Variants in STXBP5L observed in about 807,000 individuals in gnomAD.
The protein encoded by STXBP5L is syntaxin-binding protein 5-like.
Under a neutral mutation model 144.5 loss-of-function variants are expected in STXBP5L, and 65 were observed. The observed-to-expected ratio is 0.45, with a 90% CI of 0.37 to 0.55. The LOEUF (loss-of-function observed/expected upper bound fraction) is 0.55. STXBP5L is among the 20% of genes least tolerant of loss of function. The pLI is 0.00. For missense variants in STXBP5L, 1,298 were observed against 1,405.5 expected (o/e 0.92, Z 1.22); for synonymous variants, 505 against 469.6 (o/e 1.08, Z -0.97).
chr3:121,410,266 T>G (rs1483486746), intron 23 of STXBP5L, among the ~76,000 whole-genome samples: 1 of 152,036 alleles, frequency 6.6e-6, no homozygotes, highest in Non-Finnish European at 1.5e-5. Flanking sequence ...AAATGGTATC[T>G]GTCTTCCTCT....
intron 20 of STXBP5L, among the ~76,000 whole-genome samples, chr3:121,322,046 T>G (rs2108538886): frequency 6.6e-6 from 1 of 152,318 alleles, no homozygotes; most frequent in Admixed American, 6.5e-5. Context: ...GTGTCTATGG[T>G]TGCCATCCTT....
intron 3 of STXBP5L, among the ~76,000 whole-genome samples, chr3:121,014,587 T>G (rs1206573102): frequency 1.3e-5 from 2 of 150,324 alleles, no homozygotes; most frequent in Non-Finnish European, 2.9e-5. Flanking sequence ...TTCTATCTTT[T>G]GGCTATTATG....
rs1400016942 is a variant in STXBP5L at position 121,272,801 on chromosome 3, C to T, written c.1959-7004C>T. Among the ~76,000 whole-genome samples the T allele has an allele frequency of 4.6e-5, 7 of 152,106 alleles. No homozygotes were observed. The South Asian group carries it at 6.2e-4, about 14-fold the overall frequency. On this transcript the variant is annotated intron_variant, in intron 18 of 26. Coordinates refer to ENST00000471454, the MANE Select transcript of STXBP5L (RefSeq NM_001308330.2). ...CTACTATGTTTCTGTTTTACAACTA[C>T]GATGAGGCTTACGTGGAACATCTTA...
At chr3:121,205,846 T>C in intron 9 of STXBP5L, 77 bp from the exon 10 acceptor site, 1 of 691,766 alleles carries the variant, frequency 1.4e-6, no homozygotes, top group South Asian at 2.4e-5. Flanking sequence ...ATCTTTAAAT[T>C]CCCTTAGTCA....
intron 15 of STXBP5L, among the ~76,000 whole-genome samples, chr3:121,252,772 T>C (rs1299262923): frequency 6.6e-6 from 1 of 152,174 alleles, no homozygotes; most frequent in East Asian, 1.9e-4. Context: ...ACTGTTTCTG[T>C]GTGTTAGGAA....
At chr3:121,199,871 T>C (rs1032906928) in intron 9 of STXBP5L, among the ~76,000 whole-genome samples, 1 of 152,184 alleles carries the variant, frequency 6.6e-6, no homozygotes, top group Non-Finnish European at 1.5e-5. Flanking sequence ...GATGTGCTGC[T>C]GGATTTGGTC....
At chr3:121,065,785 G>A (rs73189307) in intron 5 of STXBP5L, among the ~76,000 whole-genome samples, 5,412 of 152,244 alleles carry the variant, frequency 0.036, 147 homozygotes, top group Middle Eastern at 0.082. Flanking sequence ...AATTAAAATT[G>A]TGGCCAGGGC....
At position 120,954,999 on chromosome 3, in the gene STXBP5L, A is replaced by G. The variant is rs375513651; in HGVS notation, c.249A>G (p.Lys83=). 3 of 1,612,666 alleles carry G rather than the reference A, an allele frequency of 1.9e-6. No individual in the cohort carries two copies. The African/African-American group carries it at 4.0e-5, about 22-fold the overall frequency. ...CATTAGCCTTTGATCCAGTTCAGAA[A>G]ATCTTGGCTATTGGGACGAGAACAG... ...PTALAFDPVQ[K]ILAIGTRTGA... Residue 83 remains lysine, a synonymous_variant, in exon 3 of 27, where the codon AAA becomes AAG. Coordinates refer to ENST00000471454, the MANE Select transcript of STXBP5L (RefSeq NM_001308330.2).
chr3:121,087,986 G>A (rs977780176), intron 5 of STXBP5L, among the ~76,000 whole-genome samples: 3 of 151,800 alleles, frequency 2.0e-5, no homozygotes, highest in African/African-American at 4.8e-5. Context: ...AAATTTTATT[G>A]TTTTTCCCTA....
At chr3:121,005,294 C>G (rs950851365) in intron 3 of STXBP5L, among the ~76,000 whole-genome samples, 1 of 152,078 alleles carries the variant, frequency 6.6e-6, no homozygotes, top group Admixed American at 6.6e-5. Context: ...GTGTATGTGT[C>G]CAGGAATTTA....
chr3:120,933,518 T>C (rs77825219), intron 2 of STXBP5L, among the ~76,000 whole-genome samples: 18,231 of 152,104 alleles, frequency 0.12, 1,147 homozygotes, highest in Non-Finnish European at 0.14. Flanking sequence ...CTTTAACAAA[T>C]ATATATTTTG....
chr3:121,061,084 T>C lies in STXBP5L; in HGVS notation c.470+15549T>C, dbSNP rs118168725. On this transcript the variant is annotated intron_variant, in intron 5 of 26. Coordinates refer to ENST00000471454, the MANE Select transcript of STXBP5L (RefSeq NM_001308330.2). ...ATGTTAGGGTATTGATTTTAGATCTTTCCCACATTCTCCTGTGGGCATTTA... is the reference window on the plus strand; with the variant it reads ...ATGTTAGGGTATTGATTTTAGATCTCTCCCACATTCTCCTGTGGGCATTTA... Among the ~76,000 whole-genome samples, 119 of 152,328 alleles carry C rather than the reference T, an allele frequency of 7.8e-4. 1 individual carries two copies. In the East Asian group the frequency reaches 0.022, roughly 29 times the overall value.
At chr3:121,057,078 A>G (rs9815525) in intron 5 of STXBP5L, among the ~76,000 whole-genome samples, 1 of 151,738 alleles carries the variant, frequency 6.6e-6, no homozygotes, top group Non-Finnish European at 1.5e-5. Context: ...AAAGCAAGAC[A>G]GAAAACTGCA....
intron 5 of STXBP5L, among the ~76,000 whole-genome samples, chr3:121,050,901 A>T (rs1422917610): frequency 6.6e-6 from 1 of 152,232 alleles, no homozygotes; most frequent in Non-Finnish European, 1.5e-5. Flanking sequence ...TCTACCAAGC[A>T]AATGGAAAAC....
In STXBP5L at chr3:121,257,272, T is replaced by C; in HGVS notation, c.1771T>C (p.Ser591Pro). Residue 591 changes from serine (S) to proline (P), a missense_variant, in exon 17 of 27, where the codon TCT becomes CCT. By Grantham distance (74) the Ser-to-Pro change is moderately conservative (BLOSUM62 -1). Transcript: ENST00000471454. Reference protein sequence around the residue: ...SAQLPSSRSLSGSTNTVASEG... With the variant: ...SAQLPSSRSLPGSTNTVASEG... ...CCAGCTTCCTTCTTCAAGGAGTCTT[T>C]CTGGGAGCACTAACACTGTTGCTAG... is the stretch of plus-strand genomic sequence containing the variant. 4 of 1,613,838 alleles carry C rather than the reference T, an allele frequency of 2.5e-6. No individual in the cohort carries two copies. Among genetic ancestry groups the C allele is most frequent in the Non-Finnish European group, 3.4e-6 (4 of 1,179,802 alleles).
chr3:121,352,101 T>A (rs539767177), intron 20 of STXBP5L, among the ~76,000 whole-genome samples: 105 of 152,256 alleles, frequency 6.9e-4, no homozygotes, highest in African/African-American at 2.3e-3. Context: ...GTAGTATAGT[T>A]TGAAGTCAGG....
intron 3 of STXBP5L, among the ~76,000 whole-genome samples, chr3:121,003,887 G>A (rs113491110): frequency 6.6e-6 from 1 of 151,988 alleles, no homozygotes; most frequent in African/African-American, 2.4e-5. Flanking sequence ...ATTTCTGAGG[G>A]CTCTGTTCTG....
chr3:121,213,883 A>G (rs1040789976), intron 10 of STXBP5L, among the ~76,000 whole-genome samples: 2 of 152,102 alleles, frequency 1.3e-5, no homozygotes. Flanking sequence ...TACTGCCTCA[A>G]TTTTAGAACT....
At chr3:121,364,770 T>C (rs1404036985) in intron 20 of STXBP5L, among the ~76,000 whole-genome samples, 1 of 152,046 alleles carries the variant, frequency 6.6e-6, no homozygotes, top group East Asian at 1.9e-4. Flanking sequence ...GAAATGCAAC[T>C]GACTTTTATG....
Sources: allele counts gnomAD v4.1 joint callset (sites outside exome capture counted in the v4.1 genomes callset), GRCh38; gene constraint gnomAD v4.1.1; transcripts MANE v1.5; gene names NCBI Gene and HGNC (gene_info 2026-07-23, HGNC 2026-07-21).